ZBTB46: variants seen among roughly 807,000 people sequenced by gnomAD.
ZBTB46 encodes zinc finger and BTB domain-containing protein 46.
ZBTB46 carries 8 observed loss-of-function variants against 44.1 expected under a neutral mutation model. That is an observed-to-expected ratio of 0.18 (90% CI 0.11 to 0.33). The LOEUF (loss-of-function observed/expected upper bound fraction) is 0.33, where lower values mean the gene tolerates loss of function less well. ZBTB46 is among the 10% of genes least tolerant of loss of function. The pLI, the probability that ZBTB46 is intolerant of heterozygous loss-of-function variation, is 1.00. For synonymous variants in ZBTB46, 409 were observed against 382.3 expected (o/e 1.07, Z -0.81); for missense variants, 651 against 847.7 (o/e 0.77, Z 2.88).
upstream of ZBTB46, among the ~76,000 whole-genome samples, chr20:63,832,495 C>G (rs2092857196): frequency 6.6e-6 from 1 of 152,142 alleles, no homozygotes; most frequent in Non-Finnish European, 1.5e-5. This position sits in a 1 kb window ranked among gnomAD's most constrained non-coding sequence, Gnocchi z 5.0. Flanking sequence ...GCTTTCAAAT[C>G]TGGATGTGTG....
At chr20:63,815,174 C>A in intron 1 of ZBTB46, 1 of 238,312 alleles carries the variant, frequency 4.2e-6, no homozygotes, top group Non-Finnish European at 8.5e-6. Context: ...GGCACAGGTG[C>A]AGTGGGCCCA....
chr20:63,788,973 T>C (rs1224418719), intron 2 of ZBTB46, among the ~76,000 whole-genome samples: 2 of 150,778 alleles, frequency 1.3e-5, no homozygotes, highest in Non-Finnish European at 3.0e-5. Context: ...GTAGCTGGGA[T>C]TACAGGCTAC....
At chr20:63,821,905 A>T (rs1232845157) in intron 1 of ZBTB46, among the ~76,000 whole-genome samples, 1 of 152,216 alleles carries the variant, frequency 6.6e-6, no homozygotes, top group East Asian at 1.9e-4. Flanking sequence ...GTTTCCCTTC[A>T]GAAATAAAAA....
rs191552681 is a variant in ZBTB46 at position 63,806,371 on chromosome 20, C to T, written c.-33-15581G>A. On this transcript the variant is annotated intron_variant, in intron 1 of 4. Transcript: ENST00000245663. ...GCAGTGAGCCGAGAACATATCACTG[C>T]ACTCCAGCCCAGGCAACAACAGTGA... 1.4e-4 allele frequency among the ~76,000 whole-genome samples: 21 copies of T among 146,852 alleles called. No homozygotes were observed. The East Asian group carries it at 4.1e-3, about 29-fold the overall frequency.
chr20:63,773,351 C>G (rs1199295428), intron 3 of ZBTB46, among the ~76,000 whole-genome samples: 1 of 151,974 alleles, frequency 6.6e-6, no homozygotes, highest in Non-Finnish European at 1.5e-5. Context: ...ACCTCAGCCG[C>G]CTGAGTAGCT....
chr20:63,776,026 G>C (rs1196568366), intron 2 of ZBTB46, 64 bp from the exon 3 acceptor site: 1 of 1,486,430 alleles, frequency 6.7e-7, no homozygotes, highest in African/African-American at 1.4e-5. Flanking sequence ...AGTGGGACAG[G>C]CGACACATTT....
intron 3 of ZBTB46, among the ~76,000 whole-genome samples, chr20:63,769,693 G>C (rs1291756912): frequency 2.6e-5 from 4 of 152,186 alleles, no homozygotes; most frequent in Non-Finnish European, 5.9e-5. Flanking sequence ...CTCCTGATGA[G>C]AACGCCAAGG....
intron 1 of ZBTB46, among the ~76,000 whole-genome samples, chr20:63,812,021 G>C (rs183253285): frequency 2.0e-4 from 31 of 152,262 alleles, no homozygotes; most frequent in African/African-American, 1.7e-4. Flanking sequence ...ATTGAAACAA[G>C]GCTTTAGTGC....
At chr20:63,794,055 G>A (rs1013063332) in intron 1 of ZBTB46, among the ~76,000 whole-genome samples, 3 of 151,898 alleles carry the variant, frequency 2.0e-5, no homozygotes, top group Non-Finnish European at 4.4e-5. Flanking sequence ...GCGTGATGGC[G>A]AGTGCCTGTA....
At chr20:63,777,532 C>T (rs1300020828) in intron 2 of ZBTB46, among the ~76,000 whole-genome samples, 1 of 152,188 alleles carries the variant, frequency 6.6e-6, no homozygotes. Flanking sequence ...ACCCTGGAAC[C>T]TTGCTGGTAA....
rs1203809736 is a variant in ZBTB46, at chr20:63,809,006, G to GA, written c.-33-18217dup. 2.5e-3 allele frequency among the ~76,000 whole-genome samples: 306 copies of GA among 122,568 alleles called. 1 individual carries two copies. Among genetic ancestry groups the GA allele is most frequent in the African/African-American group, 7.7e-3 (254 of 32,890 alleles). The allele number at this position is 122,568 out of a possible 152,430, so 80.4% of individuals were successfully genotyped here. On this transcript the variant is annotated intron_variant, in intron 1 of 4. Coordinates refer to ENST00000245663, the MANE Select transcript of ZBTB46 (RefSeq NM_001369741.1). ...AAAAAAAAAAAAAAAAAAAGAAAAA[G>GA]AAAAAAAAAAAAGAAAGAAAACTCC...
In ZBTB46 at chr20:63,752,314, C is replaced by T. The variant is rs2092175573; in HGVS notation, c.1398+372G>A. Among the ~76,000 whole-genome samples, 1 of 151,982 alleles carries T rather than the reference C, an allele frequency of 6.6e-6. No individual in the cohort carries two copies. The highest frequency in any genetic ancestry group is 1.9e-4 in the East Asian group (1 of 5,190). On this transcript the variant is annotated intron_variant, in intron 4 of 4. Transcript: ENST00000245663. This position sits in a 1 kb window ranked among gnomAD's most constrained non-coding sequence, Gnocchi z 5.6. Reference sequence around the variant, plus strand: ...CCAGGGTGGGCGCGGTGGGTGCAGACAGGTCGGCAGGCACAAGGACAGGGT... The same window carrying T: ...CCAGGGTGGGCGCGGTGGGTGCAGATAGGTCGGCAGGCACAAGGACAGGGT...
At chr20:63,789,773 C>T in intron 2 of ZBTB46, 48 bp downstream of exon 2, 8 of 1,566,646 alleles carry the variant, frequency 5.1e-6, no homozygotes, top group Non-Finnish European at 6.0e-6. Flanking sequence ...GCCGTGAGGC[C>T]TGGACACACT....
At chr20:63,830,530 A>C (rs2092843814) in intron 1 of ZBTB46, among the ~76,000 whole-genome samples, 1 of 149,770 alleles carries the variant, frequency 6.7e-6, no homozygotes, top group South Asian at 2.1e-4. Context: ...CCCCGGCCTC[A>C]GGGCGCCGGG....
intron 1 of ZBTB46, among the ~76,000 whole-genome samples, chr20:63,830,325 C>G (rs2092841851): frequency 6.6e-6 from 1 of 152,080 alleles, no homozygotes; most frequent in Admixed American, 6.5e-5. Context: ...CCCCGCGAAA[C>G]TGACATGTCT....
chr20:63,753,693 CT>C (rs1371336937), intron 3 of ZBTB46, among the ~76,000 whole-genome samples: 1 of 152,268 alleles, frequency 6.6e-6, no homozygotes, highest in East Asian at 1.9e-4. Context: ...TTACCATGTA[CT>C]TGCTGCTGTG....
intron 1 of ZBTB46, among the ~76,000 whole-genome samples, chr20:63,817,112 A>G (rs902279694): frequency 6.6e-6 from 1 of 151,236 alleles, no homozygotes; most frequent in Non-Finnish European, 1.5e-5. Flanking sequence ...TCTCAAAAAA[A>G]AAAAGAAAAG....
chr20:63,752,841 T>C lies in ZBTB46; in HGVS notation c.1243A>G (p.Arg415Gly). The C allele has an allele frequency of 6.2e-7, 1 of 1,609,574 alleles. No homozygotes were observed. Among genetic ancestry groups the C allele is most frequent in the Non-Finnish European group, 8.5e-7 (1 of 1,177,154 alleles). ...SLSLNEFTVIRKKFKCPYCSF... is the reference protein window; with the variant it reads ...SLSLNEFTVIGKKFKCPYCSF... ...CAGTACGGACACTTGAACTTCTTCC[T>C]GATCACCGTGAACTCATTCACTGAA... Residue 415 changes from arginine to glycine, a missense_variant, in exon 4 of 5, where the codon AGG becomes GGG. Coordinates refer to ENST00000245663, the MANE Select transcript of ZBTB46 (RefSeq NM_001369741.1). This position sits in a 1 kb window ranked among gnomAD's most constrained non-coding sequence, Gnocchi z 5.6.
chr20:63,815,391 G>T (rs1370679879), intron 1 of ZBTB46, among the ~76,000 whole-genome samples: 1 of 151,484 alleles, frequency 6.6e-6, no homozygotes, highest in Non-Finnish European at 1.5e-5. Context: ...GGTGCAGTGA[G>T]TGCAGGTGCA....
Sources: allele counts gnomAD v4.1 joint callset (sites outside exome capture counted in the v4.1 genomes callset), GRCh38; gene constraint gnomAD v4.1.1; non-coding constraint Gnocchi (gnomAD v3.1); transcripts MANE v1.5; gene names NCBI Gene and HGNC (gene_info 2026-07-23, HGNC 2026-07-21).